GGH: variants seen among roughly 807,000 people sequenced by gnomAD.
GGH encodes gamma-Glu-X carboxypeptidase.
A neutral mutation model predicts 39.2 loss-of-function variants in GGH; 18 were observed. That is an observed-to-expected ratio of 0.46 (90% CI 0.32 to 0.68). The LOEUF (loss-of-function observed/expected upper bound fraction) is 0.68. Among genes scored for constraint, GGH ranks in the 30% least tolerant of loss-of-function variants. The probability of loss-of-function intolerance (pLI) is 0.04; values close to 1 mark genes in which losing one functional copy is unlikely to be tolerated. For missense variants in GGH, 367 were observed against 384.1 expected (o/e 0.96, Z 0.37); for synonymous variants, 147 against 138.8 (o/e 1.06, Z -0.42).
At chr8:63,026,698 C>T (rs1382071702) in intron 4 of GGH, among the ~76,000 whole-genome samples, 1 of 152,148 alleles carries the variant, frequency 6.6e-6, no homozygotes, top group Admixed American at 6.5e-5. Context: ...AAGGTTTGAG[C>T]TATGGTACAA....
chr8:63,029,721 T>C (rs1804767452), intron 3 of GGH, among the ~76,000 whole-genome samples: 1 of 152,084 alleles, frequency 6.6e-6, no homozygotes, highest in Non-Finnish European at 1.5e-5. Flanking sequence ...GGTAATTAAA[T>C]GTTTTTGATT....
At chr8:63,031,313 A>G (rs1261316478) in intron 2 of GGH, among the ~76,000 whole-genome samples, 1 of 152,240 alleles carries the variant, frequency 6.6e-6, no homozygotes, top group Non-Finnish European at 1.5e-5. Context: ...CTTCCTGGCG[A>G]GAGCCACAAA....
chr8:63,022,794 G>C (rs766057423), intron 7 of GGH, among the ~76,000 whole-genome samples: 1 of 151,894 alleles, frequency 6.6e-6, no homozygotes, highest in African/African-American at 2.4e-5. Flanking sequence ...AAAGTGCTGG[G>C]ATTACAGGCA....
chr8:63,029,699 C>A (rs946479207), intron 3 of GGH, among the ~76,000 whole-genome samples: 3 of 152,050 alleles, frequency 2.0e-5, no homozygotes, highest in African/African-American at 7.2e-5. Context: ...ATTTTCTGAT[C>A]TCTGCCAACA....
In GGH at chr8:63,035,673, C is replaced by T. The variant is rs767987626; in HGVS notation, c.207G>A (p.Ala69=). The part of the protein sequence containing the change: ...SYVKYLESAG[A]RVVPVRLDLT... ...AATCATACCTTACTGGTACAACTCT[C>T]GCACCTGCAGACTCCAAGTACTTTA... Residue 69 remains alanine (A), a synonymous_variant, in exon 2 of 9, where the codon GCG becomes GCA. Coordinates refer to ENST00000260118, the MANE Select transcript of GGH (RefSeq NM_003878.3). The T allele has an allele frequency of 7.5e-6, 12 of 1,607,276 alleles. No individual in the cohort carries two copies. The highest frequency in any genetic ancestry group is 1.1e-5 in the South Asian group (1 of 88,892).
At chr8:63,036,653 G>C (rs1316983914) in intron 1 of GGH, among the ~76,000 whole-genome samples, 1 of 152,174 alleles carries the variant, frequency 6.6e-6, no homozygotes, top group Non-Finnish European at 1.5e-5. Context: ...CATGACATTT[G>C]AGCCAGGACT....
chr8:63,019,446 T>A (rs1485546843), intron 7 of GGH, among the ~76,000 whole-genome samples: 1 of 152,114 alleles, frequency 6.6e-6, no homozygotes, highest in East Asian at 1.9e-4. Flanking sequence ...ACAGGTGGGA[T>A]CAAGATCCTA....
intron 1 of GGH, 87 bp from the exon 2 acceptor site, chr8:63,035,857 T>C (rs2129684938): frequency 8.5e-7 from 1 of 1,175,678 alleles, no homozygotes; most frequent in Non-Finnish European, 1.2e-6. Flanking sequence ...AATATCATAT[T>C]TTATTATTTC....
chr8:63,021,129 A>G (rs1804577979), intron 7 of GGH, among the ~76,000 whole-genome samples: 1 of 152,164 alleles, frequency 6.6e-6, no homozygotes, highest in Non-Finnish European at 1.5e-5. Flanking sequence ...CCAAATTTTA[A>G]TCATCATATA....
At chr8:63,035,843 C>T in intron 1 of GGH, 73 bp from the exon 2 acceptor site, 1 of 1,232,398 alleles carries the variant, frequency 8.1e-7, no homozygotes, top group Non-Finnish European at 1.2e-6. Context: ...TATATCACAG[C>T]AAAAATATCA....
chr8:63,019,196 AG>A (rs1331529840), intron 7 of GGH, among the ~76,000 whole-genome samples: 1 of 152,252 alleles, frequency 6.6e-6, no homozygotes, highest in Non-Finnish European at 1.5e-5. Context: ...TGAAGCCCTC[AG>A]GGCAGACTAT....
Position 63,015,098 on chromosome 8 carries a change from AT to A in GGH, c.*233del. The A allele has an allele frequency of 3.4e-6, 1 of 291,994 alleles. No individual in the cohort carries two copies. Among genetic ancestry groups the A allele is most frequent in the Non-Finnish European group, 6.3e-6 (1 of 159,980 alleles). 18.1% of individuals were successfully genotyped at this position (291,994 alleles called of 1,614,324 possible). Reference sequence around the variant, plus strand: ...AAAATATTTGTATTTCAGTAAATTTATTTTTTTCAATCTTCAGATATAAGAA... The same window carrying A: ...AAAATATTTGTATTTCAGTAAATTTATTTTTTCAATCTTCAGATATAAGAA... On this transcript the variant is annotated 3_prime_UTR_variant, in exon 9 of 9. Coordinates refer to ENST00000260118, the MANE Select transcript of GGH (RefSeq NM_003878.3).
intron 2 of GGH, 30 bp downstream of exon 2, chr8:63,035,626 T>C: frequency 1.3e-6 from 2 of 1,498,346 alleles, no homozygotes; most frequent in South Asian, 1.3e-5. Flanking sequence ...TTATACAGAG[T>C]AAAAAAAAAA....
intron 1 of GGH, among the ~76,000 whole-genome samples, chr8:63,037,780 C>T (rs1025459225): frequency 3.9e-5 from 6 of 152,096 alleles, no homozygotes; most frequent in South Asian, 2.1e-4. Flanking sequence ...CGTGGAGAAT[C>T]AAATCACCAT....
chr8:63,027,044 A>G lies in GGH; in HGVS notation c.360+137T>C, dbSNP rs116508162. 2.7e-4 allele frequency: 180 copies of G among 672,632 alleles called. 1 individual carries two copies. The African/African-American group carries it at 3.1e-3, about 11-fold the overall frequency. The allele number at this position is 672,632 out of a possible 1,614,324, so 41.7% of individuals were successfully genotyped here. ...AAAATAGGCGGGAGCAGCCAAGAAC[A>G]GGCACCTCAAAATTAAAGGTATGAT... On this transcript the variant is annotated intron_variant, in intron 4 of 8. Transcript: ENST00000260118.
intron 7 of GGH, 193 bp from the exon 8 acceptor site, chr8:63,017,823 T>G: frequency 2.1e-6 from 1 of 479,918 alleles, no homozygotes. Flanking sequence ...CGTATTTCAC[T>G]GATTAGCAAC....
At chr8:63,029,795 G>GA (rs1006675167) in intron 3 of GGH, among the ~76,000 whole-genome samples, 54 of 148,622 alleles carry the variant, frequency 3.6e-4, no homozygotes, top group African/African-American at 1.2e-3. Context: ...CAATTTACCT[G>GA]AAAAAAAAAA....
At chr8:63,015,574 A>G in intron 8 of GGH, 121 bp from the exon 9 acceptor site, 1 of 551,358 alleles carries the variant, frequency 1.8e-6, no homozygotes, top group Non-Finnish European at 3.1e-6. Flanking sequence ...AAGAAGAGAA[A>G]TGCGACTGCT....
At chr8:63,030,725 A>C (rs1804787486) in intron 2 of GGH, among the ~76,000 whole-genome samples, 1 of 152,176 alleles carries the variant, frequency 6.6e-6, no homozygotes, top group African/African-American at 2.4e-5. Context: ...TGCATTTCAA[A>C]GTCAGGATGG....
Sources: allele counts gnomAD v4.1 joint callset (sites outside exome capture counted in the v4.1 genomes callset), GRCh38; gene constraint gnomAD v4.1.1; transcripts MANE v1.5; gene names NCBI Gene and HGNC (gene_info 2026-07-23, HGNC 2026-07-21).